Variants in CACNA1E observed in about 807,000 individuals in gnomAD.
CACNA1E encodes calcium voltage-gated channel subunit alpha1 E.
CACNA1E carries 40 observed loss-of-function variants against 259.2 expected under a neutral mutation model. The ratio of observed to expected loss-of-function variants is 0.15; its 90% confidence interval spans 0.12 to 0.20. CACNA1E has a LOEUF of 0.20. CACNA1E is among the 10% of genes least tolerant of loss of function. The pLI, the probability that CACNA1E is intolerant of heterozygous loss-of-function variation, is 1.00. For missense variants in CACNA1E, 1,874 were observed against 3,040.1 expected, an observed-to-expected ratio of 0.62 and a Z score of 9.02; for synonymous variants, 1,104 against 1,138.5, an observed-to-expected ratio of 0.97 and a Z score of 0.61.
chr1:181,710,373 A>G (rs1284342835), intron 7 of CACNA1E, among the ~76,000 whole-genome samples: 1 of 152,202 alleles, frequency 6.6e-6, no homozygotes, highest in Admixed American at 6.5e-5. Flanking sequence ...AGGACAGCAG[A>G]GGCAACACAG....
intron 6 of CACNA1E, among the ~76,000 whole-genome samples, chr1:181,620,153 TTAGCTTCAGGGCTAC>T (rs1215486862): frequency 6.6e-6 from 1 of 152,188 alleles, no homozygotes. Flanking sequence ...GGTCAACTGA[TTAGCTTCAGGGCTAC>T]TAATCCAAGA....
At chr1:181,643,174 A>C (rs1436281827) in intron 6 of CACNA1E, among the ~76,000 whole-genome samples, 1 of 152,210 alleles carries the variant, frequency 6.6e-6, no homozygotes, top group Non-Finnish European at 1.5e-5. Flanking sequence ...ACAAAAGTAG[A>C]GAGAATAAAA....
At chr1:181,793,576 A>G (rs1439670309) in intron 44 of CACNA1E, 89 bp from the exon 45 acceptor site, 12 of 1,420,290 alleles carry the variant, frequency 8.4e-6, no homozygotes, top group Admixed American at 4.7e-5. Flanking sequence ...TTTGAAAGCC[A>G]TTCTTGAGGA....
At chr1:181,431,596 A>G (rs144044306) in intron 2 of CACNA1E, among the ~76,000 whole-genome samples, 1,874 of 152,262 alleles carry the variant, frequency 0.012, 37 homozygotes, top group African/African-American at 0.04. Context: ...CACAGGTATC[A>G]TTTCCACTTT....
chr1:181,388,722 T>C (rs747942298), intron 1 of CACNA1E, among the ~76,000 whole-genome samples: 2 of 151,952 alleles, frequency 1.3e-5, no homozygotes, highest in Non-Finnish European at 2.9e-5. Flanking sequence ...AACCCCGTCT[T>C]TACCAAAAAA....
intron 25 of CACNA1E, among the ~76,000 whole-genome samples, chr1:181,749,736 ACTTAT>A (rs1558342845): frequency 6.6e-6 from 1 of 152,204 alleles, no homozygotes; most frequent in East Asian, 1.9e-4. Flanking sequence ...TTATGCCCTG[ACTTAT>A]TTTAAATGCC....
intron 3 of CACNA1E, among the ~76,000 whole-genome samples, chr1:181,523,765 T>G (rs146116957): frequency 6.6e-6 from 1 of 152,212 alleles, no homozygotes; most frequent in Admixed American, 6.5e-5. Flanking sequence ...CCCATTGATA[T>G]GAAAGAAGGA....
intron 1 of CACNA1E, among the ~76,000 whole-genome samples, chr1:181,330,815 T>C (rs12094454): frequency 0.082 from 12,560 of 152,276 alleles, 617 homozygotes; most frequent in East Asian, 0.15. Context: ...CTTATTTTCT[T>C]TGAGTCTCAG....
intron 1 of CACNA1E, among the ~76,000 whole-genome samples, chr1:181,324,921 C>T (rs1242690716): frequency 2.0e-5 from 3 of 152,158 alleles, no homozygotes; most frequent in Non-Finnish European, 2.9e-5. Context: ...ACGTCCAGGC[C>T]TCCTTCCATC....
chr1:181,587,605 C>T (rs547612550), intron 6 of CACNA1E, among the ~76,000 whole-genome samples: 7 of 152,208 alleles, frequency 4.6e-5, no homozygotes, highest in Non-Finnish European at 7.4e-5. Flanking sequence ...CTCTTAGGGC[C>T]GGGCGCGGTG....
At chr1:181,345,909 C>G (rs1470276462) in intron 1 of CACNA1E, among the ~76,000 whole-genome samples, 3 of 152,160 alleles carry the variant, frequency 2.0e-5, no homozygotes, top group Admixed American at 6.5e-5. Context: ...GCTGCAGGCA[C>G]CGAGGGTGAG....
chr1:181,625,328 C>A (rs1656096959), intron 6 of CACNA1E, among the ~76,000 whole-genome samples: 1 of 152,140 alleles, frequency 6.6e-6, no homozygotes, highest in Non-Finnish European at 1.5e-5. Context: ...TCTCTACTTA[C>A]GATTTTCTCG....
At chr1:181,755,880 C>G in intron 28 of CACNA1E, 76 bp from the exon 29 acceptor site, 1 of 1,428,916 alleles carries the variant, frequency 7.0e-7, no homozygotes, top group Non-Finnish European at 9.6e-7. Flanking sequence ...ATTATTGCGG[C>G]CTGTAGAATG....
intron 7 of CACNA1E, among the ~76,000 whole-genome samples, chr1:181,662,773 C>T (rs998595337): frequency 2.0e-5 from 3 of 152,024 alleles, no homozygotes; most frequent in African/African-American, 4.8e-5. Context: ...AGCATGAGCT[C>T]AGATGTTTTC....
At chr1:181,425,220 C>T (rs1027386190) in intron 2 of CACNA1E, among the ~76,000 whole-genome samples, 2 of 152,162 alleles carry the variant, frequency 1.3e-5, no homozygotes, top group Non-Finnish European at 2.9e-5. Context: ...GCACTCACAT[C>T]ACAAGAAAGG....
intron 7 of CACNA1E, among the ~76,000 whole-genome samples, chr1:181,654,982 C>CAA (rs1208750325): frequency 2.3e-3 from 121 of 52,704 alleles, no homozygotes; most frequent in East Asian, 5.6e-3. Flanking sequence ...GACTCCATCT[C>CAA]AAAAAAAAAA....
rs11302089 is a variant in CACNA1E at position 181,423,662 on chromosome 1, A to ATTTTTTTTT, written c.434+10090_434+10098dup. ...GGTGAATTTAAGGGCCATTGGGCCAATTTTTTTTTTTTTTTTGCTGGCCTT... is the reference window on the plus strand; with the variant it reads ...GGTGAATTTAAGGGCCATTGGGCCAATTTTTTTTTTTTTTTTTTTTTTTTTGCTGGCCTT... On this transcript the variant is annotated intron_variant, in intron 2 of 11. Coordinates refer to the CACNA1E transcript ENST00000524607. Among the ~76,000 whole-genome samples, 71 of 131,034 alleles carry ATTTTTTTTT rather than the reference A, an allele frequency of 5.4e-4. 1 individual carries two copies. Among genetic ancestry groups the ATTTTTTTTT allele is most frequent in the South Asian group, 1.8e-3 (7 of 3,914 alleles). The allele number at this position is 131,034 out of a possible 152,430, so 86.0% of individuals were successfully genotyped here.
At chr1:181,344,774 A>T (rs552899511) in intron 1 of CACNA1E, among the ~76,000 whole-genome samples, 39 of 152,298 alleles carry the variant, frequency 2.6e-4, no homozygotes, top group African/African-American at 7.9e-4. Flanking sequence ...GGCTGATAGC[A>T]CTGAGGCCCC....
intron 6 of CACNA1E, among the ~76,000 whole-genome samples, chr1:181,610,277 C>G (rs555415337): frequency 6.6e-6 from 1 of 152,146 alleles, no homozygotes. Context: ...TTTTTCCAGC[C>G]ATTTCCTCAT....
Sources: gnomAD v4.1 joint callset for allele counts (sites outside exome capture counted in the v4.1 genomes callset) on GRCh38, gnomAD v4.1.1 for gene constraint, MANE v1.5 for transcripts, NCBI Gene and HGNC (gene_info 2026-07-23, HGNC 2026-07-21) for gene names.